Variants in TBC1D14 observed in about 807,000 individuals in gnomAD.
TBC1D14 encodes TBC1 domain family, member 14.
TBC1D14 carries 26 observed loss-of-function variants against 79.0 expected under a neutral mutation model. The observed-to-expected ratio is 0.33, with a 90% confidence interval of 0.24 to 0.46. TBC1D14 has a LOEUF of 0.46. Among genes scored for constraint, TBC1D14 ranks in the 20% least tolerant of loss-of-function variants. TBC1D14 has a pLI of 1.00. For missense variants in TBC1D14, 769 were observed against 887.6 expected, an observed-to-expected ratio of 0.87 and a Z score of 1.70; for synonymous variants, 394 against 349.9, an observed-to-expected ratio of 1.13 and a Z score of -1.40.
chr4:6,967,138 T>C (rs1269595582), intron 2 of TBC1D14, among the ~76,000 whole-genome samples, 166 bp from the exon 3 acceptor site: 2 of 152,240 alleles, frequency 1.3e-5, no homozygotes, highest in African/African-American at 4.8e-5. Flanking sequence ...GCTTAAGGTC[T>C]TTCTCCTGCC....
chr4:6,986,906 C>T (rs942737075), intron 3 of TBC1D14, among the ~76,000 whole-genome samples: 1 of 152,256 alleles, frequency 6.6e-6, no homozygotes, highest in Non-Finnish European at 1.5e-5. Context: ...AAAAACTGCT[C>T]ACAATCACCC....
rs998611630 is a variant in TBC1D14 at position 6,909,844 on chromosome 4, C to G, written c.-125C>G. 9.4e-5 allele frequency: 14 copies of G among 148,270 alleles called. No individual in the cohort carries two copies. The highest frequency in any genetic ancestry group is 3.4e-4 in the African/African-American group (14 of 41,074). 9.2% of individuals were successfully genotyped at this position (148,270 alleles called of 1,614,324 possible). Reference sequence around the variant, plus strand: ...CGCGCGCACCTGCGGGTCGGACCCGCTGCCTACCGCGTGCCCGGCGTCCTC... The same window carrying G: ...CGCGCGCACCTGCGGGTCGGACCCGGTGCCTACCGCGTGCCCGGCGTCCTC... On this transcript the variant is annotated 5_prime_UTR_variant, in exon 1 of 14. Coordinates refer to ENST00000409757, the MANE Select transcript of TBC1D14 (RefSeq NM_020773.3).
At chr4:7,002,708 G>T (rs1719794928) in intron 7 of TBC1D14, among the ~76,000 whole-genome samples, 1 of 152,158 alleles carries the variant, frequency 6.6e-6, no homozygotes, top group Non-Finnish European at 1.5e-5. Flanking sequence ...CATGGGGCAG[G>T]CCCTTAAGAA....
intron 3 of TBC1D14, among the ~76,000 whole-genome samples, chr4:6,990,099 G>T (rs1264626768): frequency 2.0e-5 from 3 of 152,232 alleles, no homozygotes; most frequent in East Asian, 3.9e-4. Context: ...TTTTAAAAAT[G>T]CTGTTGTGAC....
chr4:6,922,960 G>GGAGCGGGC (rs1723984250), intron 1 of TBC1D14, among the ~76,000 whole-genome samples: 2 of 152,336 alleles, frequency 1.3e-5, no homozygotes, highest in South Asian at 4.1e-4. Context: ...CAGCATTTTG[G>GGAGCGGGC]GAGGCCGAGG....
chr4:7,032,864 G>C lies in TBC1D14; in HGVS notation c.*2472G>C, dbSNP rs185666483. The C allele has an allele frequency of 1.3e-5, 2 of 152,412 alleles. No homozygotes were observed. Among genetic ancestry groups the C allele is most frequent in the Admixed American group, 6.5e-5 (1 of 15,292 alleles). The allele number at this position is 152,412 out of a possible 1,614,324, so 9.4% of individuals were successfully genotyped here. A position where few individuals can be genotyped will look rare whatever the true frequency, so the allele number is the denominator to read the frequency against. On this transcript the variant is annotated 3_prime_UTR_variant, in exon 14 of 14. Transcript: ENST00000409757. The stretch of plus-strand genomic sequence containing the variant: ...TGTCCAGCCTGCACAGTAGAGTGAG[G>C]CTGCCTCTCCCGCCAGGCATTGGGA...
intron 10 of TBC1D14, 94 bp downstream of exon 10, chr4:7,010,042 G>C: frequency 7.0e-7 from 1 of 1,425,074 alleles, no homozygotes; most frequent in African/African-American, 1.4e-5. Flanking sequence ...TCATGCCAGT[G>C]CCTTCGTTTT....
At chr4:6,950,371 GTTTC>G (rs1402678457) in intron 2 of TBC1D14, among the ~76,000 whole-genome samples, 3 of 152,200 alleles carry the variant, frequency 2.0e-5, no homozygotes, top group African/African-American at 7.2e-5. Context: ...CTGTGAATGA[GTTTC>G]TTTCTTTCAA....
intron 3 of TBC1D14, among the ~76,000 whole-genome samples, chr4:6,976,156 T>G (rs1716695805): frequency 6.6e-6 from 1 of 152,096 alleles, no homozygotes; most frequent in African/African-American, 2.4e-5. Flanking sequence ...GTTTAAAAAA[T>G]GAACAGAGCC....
intron 12 of TBC1D14, among the ~76,000 whole-genome samples, 178 bp from the exon 13 acceptor site, chr4:7,024,826 C>T (rs1225459187): frequency 6.6e-6 from 1 of 152,210 alleles, no homozygotes; most frequent in Non-Finnish European, 1.5e-5. Flanking sequence ...GCTGATAGTG[C>T]TGTGTCCTGA....
intron 2 of TBC1D14, among the ~76,000 whole-genome samples, chr4:6,935,553 C>G (rs1712229051): frequency 6.6e-6 from 1 of 152,012 alleles, no homozygotes; most frequent in African/African-American, 2.4e-5. Context: ...CTCCCTTTTC[C>G]TCTTCCTCCT....
At chr4:7,008,664 G>C (rs556852278) in intron 9 of TBC1D14, among the ~76,000 whole-genome samples, 1 of 152,278 alleles carries the variant, frequency 6.6e-6, no homozygotes, top group South Asian at 2.1e-4. Context: ...GCCCACCTCG[G>C]CCTCCCAAAG....
chr4:6,963,243 T>G (rs1715398783), intron 2 of TBC1D14, among the ~76,000 whole-genome samples: 1 of 152,214 alleles, frequency 6.6e-6, no homozygotes, highest in Non-Finnish European at 1.5e-5. Flanking sequence ...CAGCAGCCCC[T>G]CTGTTCTGTC....
intron 3 of TBC1D14, among the ~76,000 whole-genome samples, chr4:6,993,183 C>A (rs1038848403): frequency 6.6e-6 from 1 of 152,232 alleles, no homozygotes; most frequent in South Asian, 2.1e-4. Flanking sequence ...TTTGTCCTAT[C>A]TTCTCAATGA....
intron 8 of TBC1D14, 61 bp from the exon 9 acceptor site, chr4:7,006,571 T>G: frequency 6.8e-7 from 1 of 1,473,906 alleles, no homozygotes; most frequent in Non-Finnish European, 9.4e-7. Context: ...CTTCAAAGGC[T>G]CGTAATTGTC....
intron 2 of TBC1D14, among the ~76,000 whole-genome samples, chr4:6,963,524 G>A (rs1007079038): frequency 3.9e-5 from 6 of 152,238 alleles, no homozygotes; most frequent in Admixed American, 3.3e-4. Context: ...GTTTGGTCAT[G>A]TGACAAGTAG....
In TBC1D14 at chr4:7,031,642, G is replaced by A. The variant is rs1383731522; in HGVS notation, c.*1250G>A. 3.3e-5 allele frequency: 5 copies of A among 152,288 alleles called. No homozygotes were observed. Among genetic ancestry groups the A allele is most frequent in the Non-Finnish European group, 7.3e-5 (5 of 68,054 alleles). The allele number at this position is 152,288 out of a possible 1,614,324, so 9.4% of individuals were successfully genotyped here. On this transcript the variant is annotated 3_prime_UTR_variant, in exon 14 of 14. Coordinates refer to ENST00000409757, the MANE Select transcript of TBC1D14 (RefSeq NM_020773.3). ...GCTGCGCAGTCTAAAGGGCAGGCCA[G>A]TGTCTGGAAGCAGGGCCCACGTGGC...
rs1716892788 is a variant in TBC1D14 at position 6,977,717 on chromosome 4, AGCG to A, written c.843+10294_843+10296del. On this transcript the variant is annotated intron_variant, in intron 3 of 13. Coordinates refer to ENST00000409757, the MANE Select transcript of TBC1D14 (RefSeq NM_020773.3). ...CCGCCATCCCATCTAGGAAGTGAGG[AGCG>A]TCTCTGCCAGGCCGCCATCCCATCT... Among the ~76,000 whole-genome samples, 2 of 81,474 alleles carry A rather than the reference AGCG, an allele frequency of 2.5e-5. 1 individual carries two copies. Among genetic ancestry groups the A allele is most frequent in the Non-Finnish European group, 5.2e-5 (2 of 38,420 alleles). 53.5% of individuals were successfully genotyped at this position (81,474 alleles called of 152,430 possible). A position where few individuals can be genotyped will look rare whatever the true frequency, so the allele number is the denominator to read the frequency against.
intron 3 of TBC1D14, among the ~76,000 whole-genome samples, chr4:6,970,483 G>T (rs905325594): frequency 6.6e-5 from 10 of 152,266 alleles, no homozygotes; most frequent in Admixed American, 1.3e-4. Context: ...AGTCAACCTT[G>T]AACAACAGGA....
Sources: gnomAD v4.1 joint callset for allele counts (sites outside exome capture counted in the v4.1 genomes callset) on GRCh38, gnomAD v4.1.1 for gene constraint, MANE v1.5 for transcripts, NCBI Gene and HGNC (gene_info 2026-07-23, HGNC 2026-07-21) for gene names.